The following FSD2 variants were observed in gnomAD, a reference collection of about 807,000 sequenced individuals.
The protein encoded by FSD2 is fibronectin type III and SPRY domain containing 2.
A neutral mutation model predicts 80.4 loss-of-function variants in FSD2; 71 were observed. The ratio of observed to expected loss-of-function variants is 0.88; its 90% CI spans 0.73 to 1.08. The LOEUF (loss-of-function observed/expected upper bound fraction) is 1.08, where lower values mean the gene tolerates loss of function less well. FSD2 is among the 50% of genes least tolerant of loss of function. The probability of loss-of-function intolerance (pLI) is 0.00; values close to 1 mark genes in which losing one functional copy is unlikely to be tolerated. For synonymous variants in FSD2, 361 were observed against 329.5 expected, an observed-to-expected ratio of 1.10 and a Z score of -1.03; for missense variants, 923 against 913.8, an observed-to-expected ratio of 1.01 and a Z score of -0.13.
chr15:82,763,494 G>C (rs1418594147), intron 11 of FSD2, among the ~76,000 whole-genome samples: 1 of 152,160 alleles, frequency 6.6e-6, no homozygotes, highest in Non-Finnish European at 1.5e-5. Flanking sequence ...TTTAGCACTT[G>C]GTAAGCACTC....
chr15:82,795,407 A>G (rs926316119), intron 1 of FSD2, among the ~76,000 whole-genome samples: 1 of 152,220 alleles, frequency 6.6e-6, no homozygotes, highest in Non-Finnish European at 1.5e-5. Flanking sequence ...GAACCTGAGA[A>G]TGAACATTCC....
chr15:82,765,390 C>T (rs907025674), intron 10 of FSD2, 92 bp from the exon 11 acceptor site: 2 of 1,532,284 alleles, frequency 1.3e-6, no homozygotes, highest in Non-Finnish European at 1.8e-6. Flanking sequence ...GTGTGGGATA[C>T]ACCTAAGCCT....
At chr15:82,772,412 A>G (rs2049603413) in intron 6 of FSD2, among the ~76,000 whole-genome samples, 184 bp from the exon 7 acceptor site, 1 of 152,184 alleles carries the variant, frequency 6.6e-6, no homozygotes. Context: ...AAATACAACC[A>G]GTATATCTAT....
chr15:82,802,637 G>A (rs974839963), intron 1 of FSD2, among the ~76,000 whole-genome samples: 1 of 152,166 alleles, frequency 6.6e-6, no homozygotes, highest in Non-Finnish European at 1.5e-5. Flanking sequence ...AATAGAACCT[G>A]AGAGGATGGG....
At chr15:82,766,153 T>C (rs1356766320) in intron 9 of FSD2, 122 bp from the exon 10 acceptor site, 4 of 1,101,090 alleles carry the variant, frequency 3.6e-6, no homozygotes, top group Non-Finnish European at 5.0e-6. Flanking sequence ...CTGACCCACA[T>C]TTAACAGCAG....
chr15:82,787,343 G>T lies in FSD2; in HGVS notation c.48C>A (p.Pro16=). 6.2e-7 allele frequency: 1 copy of T among 1,613,710 alleles called. No individual in the cohort carries two copies. The highest frequency in any genetic ancestry group is 1.1e-5 in the South Asian group (1 of 91,048). Residue 16 remains proline (P), a synonymous_variant, in exon 2 of 13, where the codon CCC becomes CCA. Coordinates refer to ENST00000334574, the MANE Select transcript of FSD2 (RefSeq NM_001007122.4). The stretch of plus-strand genomic sequence containing the variant: ...CCATGTGGTAAAAGTGGAAATCCTT[G>T]GGAGTAGACCTGTCCAGCCCCAGTT... ...GEELGLDRST[P]KDFHFYHMDL...
intron 12 of FSD2, among the ~76,000 whole-genome samples, chr15:82,760,080 C>T (rs1003733930): frequency 6.6e-6 from 1 of 152,238 alleles, no homozygotes; most frequent in Non-Finnish European, 1.5e-5. Flanking sequence ...AAGTGTGAGC[C>T]ACTGCTTCTG....
At chr15:82,785,229 A>G (rs1467918429) in intron 3 of FSD2, among the ~76,000 whole-genome samples, 1 of 152,192 alleles carries the variant, frequency 6.6e-6, no homozygotes, top group African/African-American at 2.4e-5. Context: ...CTCCTTTCCA[A>G]TCCTAGAATT....
intron 4 of FSD2, among the ~76,000 whole-genome samples, chr15:82,782,181 T>G (rs1211178777): frequency 1.3e-5 from 2 of 148,654 alleles, no homozygotes; most frequent in Non-Finnish European, 3.0e-5. Context: ...GGATCACGAG[T>G]TCAGGAGATC....
chr15:82,803,252 G>A (rs949140259), intron 1 of FSD2, among the ~76,000 whole-genome samples: 2 of 152,132 alleles, frequency 1.3e-5, no homozygotes, highest in African/African-American at 4.8e-5. Flanking sequence ...TCTGCTGACT[G>A]CGCGCACCAT....
chr15:82,788,200 A>C (rs1285512625), intron 1 of FSD2, among the ~76,000 whole-genome samples: 1 of 152,124 alleles, frequency 6.6e-6, no homozygotes, highest in Non-Finnish European at 1.5e-5. Context: ...ACTGTACTTA[A>C]AAGTAACAGA....
At chr15:82,782,104 T>A (rs28615391) in intron 4 of FSD2, among the ~76,000 whole-genome samples, 3,354 of 118,832 alleles carry the variant, frequency 0.028, 129 homozygotes, top group African/African-American at 0.084. Context: ...ATAATAATAA[T>A]AAAACTCTTG....
In FSD2 at chr15:82,791,289, C is replaced by A. The variant is rs539551278; in HGVS notation, c.-78-3821G>T. On this transcript the variant is annotated intron_variant, in intron 1 of 12. Transcript: ENST00000334574. ...CTGGGATTACAGGCGTGAGCCACCG[C>A]ACCCGGCAATTCAGTGGTTTTTAGT... is the stretch of plus-strand genomic sequence containing the variant. Among the ~76,000 whole-genome samples the A allele has an allele frequency of 6.9e-4, 105 of 152,298 alleles. 1 individual carries two copies. In the East Asian group the frequency reaches 0.015, roughly 22 times the overall value.
At chr15:82,779,390 C>CATG (rs2049797875) in intron 5 of FSD2, among the ~76,000 whole-genome samples, 2 of 152,162 alleles carry the variant, frequency 1.3e-5, no homozygotes, top group South Asian at 4.1e-4. Context: ...CAGGGCCAGG[C>CATG]ATGATGGCTC....
chr15:82,789,989 A>G (rs1259081507), intron 1 of FSD2, among the ~76,000 whole-genome samples: 1 of 152,190 alleles, frequency 6.6e-6, no homozygotes, highest in East Asian at 1.9e-4. Context: ...AGCCTGACCA[A>G]TGCGGTGAAA....
chr15:82,783,759 C>T (rs143005138), intron 3 of FSD2, among the ~76,000 whole-genome samples: 2 of 152,264 alleles, frequency 1.3e-5, no homozygotes, highest in East Asian at 3.9e-4. Flanking sequence ...TCTTCACTCC[C>T]TGGTGCTTGG....
At chr15:82,796,000 CTTTTTTTTTTTTT>C (rs143711664) in intron 1 of FSD2, among the ~76,000 whole-genome samples, 2 of 117,504 alleles carry the variant, frequency 1.7e-5, no homozygotes, top group Admixed American at 9.5e-5. Context: ...TTTTTCTTTT[CTTTTTTTTTTTTT>C]TTTTTTGAGA....
intron 6 of FSD2, among the ~76,000 whole-genome samples, chr15:82,772,802 C>G (rs2049616651): frequency 6.6e-6 from 1 of 152,204 alleles, no homozygotes; most frequent in Non-Finnish European, 1.5e-5. Context: ...CAGTCTCACA[C>G]ACACAACCAA....
intron 12 of FSD2, 79 bp from the exon 13 acceptor site, chr15:82,759,679 A>G: frequency 2.4e-6 from 3 of 1,232,230 alleles, no homozygotes; most frequent in Non-Finnish European, 2.2e-6. Context: ...TACTAATTTT[A>G]TTCATAGTCC....
Sources: allele counts gnomAD v4.1 joint callset (sites outside exome capture counted in the v4.1 genomes callset), GRCh38; gene constraint gnomAD v4.1.1; transcripts MANE v1.5; gene names NCBI Gene and HGNC (gene_info 2026-07-23, HGNC 2026-07-21).